The following EIF4G3 variants were observed in gnomAD, a reference collection of about 807,000 sequenced individuals.
The protein encoded by EIF4G3 is eIF-4-gamma 3.
In EIF4G3, 34 loss-of-function variants were observed where a neutral mutation model predicts 186.4. The observed-to-expected ratio is 0.18, with a 90% CI of 0.14 to 0.24. The LOEUF (loss-of-function observed/expected upper bound fraction) is 0.24, where lower values mean the gene tolerates loss of function less well. EIF4G3 is among the 10% of genes least tolerant of loss of function. The pLI, the probability that EIF4G3 is intolerant of heterozygous loss-of-function variation, is 1.00. For synonymous variants in EIF4G3, 673 were observed against 679.5 expected, an observed-to-expected ratio of 0.99 and a Z score of 0.15; for missense variants, 1,536 against 1,948.5, an observed-to-expected ratio of 0.79 and a Z score of 3.99.
chr1:21,156,337 C>T (rs1033263160), intron 2 of EIF4G3, among the ~76,000 whole-genome samples: 3 of 152,274 alleles, frequency 2.0e-5, no homozygotes, highest in Middle Eastern at 3.4e-3. Flanking sequence ...CCTCAAGTAA[C>T]CAGACACTGC....
At chr1:20,885,955 A>C (rs930004759) in intron 19 of EIF4G3, among the ~76,000 whole-genome samples, 2 of 152,240 alleles carry the variant, frequency 1.3e-5, no homozygotes, top group Admixed American at 6.5e-5. Flanking sequence ...CCTGAATTAC[A>C]TAAGTCTATG....
chr1:21,073,809 T>C (rs1245864643), intron 3 of EIF4G3: 8 of 317,724 alleles, frequency 2.5e-5, no homozygotes, highest in South Asian at 1.6e-4. Context: ...GGAAGAGATA[T>C]TTTTATTTTT....
intron 3 of EIF4G3, among the ~76,000 whole-genome samples, chr1:21,081,056 A>G (rs1342809721): frequency 1.3e-5 from 2 of 152,244 alleles, no homozygotes; most frequent in Non-Finnish European, 2.9e-5. Flanking sequence ...ATCAATTAAT[A>G]TTTCAAATTA....
chr1:21,080,132 CA>C (rs2095721490), intron 3 of EIF4G3, among the ~76,000 whole-genome samples: 1 of 148,458 alleles, frequency 6.7e-6, no homozygotes, highest in East Asian at 2.0e-4. Context: ...GCCTCGGTGA[CA>C]GAGTAAGACT....
chr1:20,842,359 A>T (rs1197729094), intron 29 of EIF4G3, among the ~76,000 whole-genome samples: 1 of 152,056 alleles, frequency 6.6e-6, no homozygotes, highest in Non-Finnish European at 1.5e-5. Context: ...GACAATTATC[A>T]TGTAAAATGG....
intron 4 of EIF4G3, among the ~76,000 whole-genome samples, chr1:21,026,725 A>C (rs1009803581): frequency 1.3e-5 from 2 of 152,062 alleles, no homozygotes; most frequent in African/African-American, 4.8e-5. Context: ...CAAGGTGGGG[A>C]AATCACTTGA....
intron 2 of EIF4G3, among the ~76,000 whole-genome samples, chr1:21,109,634 G>A (rs1306604708): frequency 6.6e-6 from 1 of 152,062 alleles, no homozygotes. Flanking sequence ...GTTTCCTGGT[G>A]GCCACAGTAT....
chr1:20,982,404 C>A lies in EIF4G3; in HGVS notation c.182G>T (p.Gly61Val), dbSNP rs2078483811. 1.3e-6 allele frequency: 2 copies of A among 1,527,104 alleles called. No homozygotes were observed. The highest frequency in any genetic ancestry group is 2.4e-5 in the South Asian group (2 of 82,482). 94.6% of individuals were successfully genotyped at this position (1,527,104 alleles called of 1,614,324 possible). ...AGPRPPHHQG[G>V]FRPIQFFQRP... is the part of the protein sequence containing the mutation. ...GTTTGTTACCTGGATAGGTCTGAAT[C>A]CTCCCTTCAAATATGAAGCAAGAAA... The change falls in exon 8 of 37, where the codon GGA becomes GTA. Residue 61 changes from glycine to valine, a missense_variant. This residue lies in a region of EIF4G3 where 194 missense variants were observed against 212.8 expected (regional missense o/e 0.91). Transcript: ENST00000602326.
chr1:20,846,444 A>C (rs2154549850), intron 29 of EIF4G3, among the ~76,000 whole-genome samples: 1 of 152,050 alleles, frequency 6.6e-6, no homozygotes, highest in South Asian at 2.1e-4. Context: ...TGGTTTTCTT[A>C]TGGTTTGCTT....
At chr1:21,073,222 T>C (rs930489244) in intron 3 of EIF4G3, among the ~76,000 whole-genome samples, 2 of 152,222 alleles carry the variant, frequency 1.3e-5, no homozygotes, top group African/African-American at 4.8e-5. Context: ...GCTCCTTCTA[T>C]ACATCAGATA....
chr1:21,051,072 T>C (rs2094184581), intron 3 of EIF4G3, 78 bp from the exon 4 acceptor site: 1 of 694,820 alleles, frequency 1.4e-6, no homozygotes, highest in Non-Finnish European at 2.7e-6. Flanking sequence ...CTATCTGATT[T>C]TTAATTGGAT....
At chr1:21,097,671 T>A (rs2096407782) in intron 2 of EIF4G3, among the ~76,000 whole-genome samples, 1 of 152,210 alleles carries the variant, frequency 6.6e-6, no homozygotes, top group Non-Finnish European at 1.5e-5. Flanking sequence ...ACAAATGTAG[T>A]GAATCGATTT....
chr1:20,902,931 G>A (rs1386953812), intron 15 of EIF4G3, among the ~76,000 whole-genome samples: 1 of 152,210 alleles, frequency 6.6e-6, no homozygotes, highest in East Asian at 1.9e-4. Flanking sequence ...ATGAGCCACT[G>A]CGCCCAGCCT....
At chr1:21,052,499 T>C (rs1378597229) in intron 3 of EIF4G3, among the ~76,000 whole-genome samples, 1 of 152,162 alleles carries the variant, frequency 6.6e-6, no homozygotes, top group African/African-American at 2.4e-5. Context: ...TGATCTATAT[T>C]GAAATACAGG....
chr1:20,902,384 T>C (rs754142340), intron 15 of EIF4G3, among the ~76,000 whole-genome samples: 27 of 152,102 alleles, frequency 1.8e-4, no homozygotes, highest in Non-Finnish European at 3.4e-4. Flanking sequence ...TTTTGATAAA[T>C]ATCTTTAATA....
At chr1:21,060,416 C>CTT (rs2094829401) in intron 3 of EIF4G3, among the ~76,000 whole-genome samples, 2 of 152,336 alleles carry the variant, frequency 1.3e-5, no homozygotes, top group South Asian at 4.1e-4. Context: ...AGACAAATCA[C>CTT]AAACTTAACA....
At chr1:21,027,845 A>C (rs531340650) in intron 4 of EIF4G3, among the ~76,000 whole-genome samples, 36 of 152,232 alleles carry the variant, frequency 2.4e-4, no homozygotes, top group Admixed American at 4.6e-4. Context: ...ATCCACATTC[A>C]TATCACTATT....
At chr1:20,875,488 T>C (rs1395426523) in intron 20 of EIF4G3, among the ~76,000 whole-genome samples, 2 of 152,168 alleles carry the variant, frequency 1.3e-5, no homozygotes, top group African/African-American at 4.8e-5. Context: ...TGTCAGTAGA[T>C]TACAAATAGT....
chr1:20,991,433 T>C (rs942661231), intron 7 of EIF4G3, among the ~76,000 whole-genome samples: 1 of 152,092 alleles, frequency 6.6e-6, no homozygotes, highest in South Asian at 2.1e-4. Flanking sequence ...TAGGGTGTGG[T>C]AGCTCACACC....
Sources: allele counts gnomAD v4.1 joint callset (sites outside exome capture counted in the v4.1 genomes callset), GRCh38; gene constraint gnomAD v4.1.1; regional missense constraint gnomAD v4.1.1; transcripts MANE v1.5; gene names NCBI Gene and HGNC (gene_info 2026-07-23, HGNC 2026-07-21).